OVCH1: variants seen among roughly 807,000 people sequenced by gnomAD.
OVCH1 encodes ovochymase 1.
A neutral mutation model predicts 138.4 loss-of-function variants in OVCH1; 139 were observed. The ratio of observed to expected loss-of-function variants is 1.00; its 90% CI spans 0.87 to 1.16. The LOEUF is 1.16. OVCH1 is among the 50% of genes most tolerant of loss of function. OVCH1 has a pLI of 0.00. For synonymous variants in OVCH1, 453 were observed against 467.8 expected, an observed-to-expected ratio of 0.97 and a Z score of 0.41; for missense variants, 1,367 against 1,357.9, an observed-to-expected ratio of 1.01 and a Z score of -0.11.
At chr12:29,491,721 A>G (rs1323494626) in intron 4 of OVCH1, among the ~76,000 whole-genome samples, 1 of 152,224 alleles carries the variant, frequency 6.6e-6, no homozygotes, top group Non-Finnish European at 1.5e-5. Flanking sequence ...AGTAACTCCA[A>G]CTATGATGCA....
chr12:29,496,456 C>T, intron 2 of OVCH1, 100 bp downstream of exon 2: 1 of 1,207,820 alleles, frequency 8.3e-7, no homozygotes, highest in Non-Finnish European at 1.2e-6. Context: ...TAGAGGGGTT[C>T]AGGAGAAAAA....
chr12:29,494,792 G>A (rs550914517), intron 4 of OVCH1, among the ~76,000 whole-genome samples: 10 of 152,242 alleles, frequency 6.6e-5, no homozygotes, highest in African/African-American at 2.2e-4. Context: ...GGGTAAACCT[G>A]TGGCTATGAG....
intron 25 of OVCH1, among the ~76,000 whole-genome samples, chr12:29,442,079 C>G (rs1292692177): frequency 6.6e-6 from 1 of 150,852 alleles, no homozygotes; most frequent in Non-Finnish European, 1.5e-5. Flanking sequence ...CCTCAGGGAT[C>G]TAGAACTAGA....
intron 4 of OVCH1, among the ~76,000 whole-genome samples, chr12:29,494,503 G>A (rs903875727): frequency 6.6e-6 from 1 of 152,126 alleles, no homozygotes; most frequent in African/African-American, 2.4e-5. Flanking sequence ...ATATAGGTAG[G>A]TAGTTAGAAT....
rs117739340 is a variant in OVCH1, at chr12:29,497,076, T to G, written c.65-402A>C. ...ACTTGAACCCAGGAGGTCAGAACCA[T>G]GGGCAACATGACAAGACCCCATCTC... On this transcript the variant is annotated intron_variant, in intron 1 of 27. Coordinates refer to ENST00000318184, the Ensembl canonical transcript of OVCH1. Among the ~76,000 whole-genome samples the G allele has an allele frequency of 2.2e-4, 34 of 152,174 alleles. 1 individual carries two copies. The East Asian group carries it at 6.2e-3, about 28-fold the overall frequency.
rs376831565 is a variant in OVCH1 at position 29,465,930 on chromosome 12, A to C, written c.1857-711T>G. ...TACTACACAGCCATAAAAAAGGATG[A>C]GTTCATGTCCTTTGTAGGGACACGG... is the stretch of plus-strand genomic sequence containing the variant. On this transcript the variant is annotated intron_variant, in intron 16 of 27. Coordinates refer to ENST00000318184, the Ensembl canonical transcript of OVCH1. Among the ~76,000 whole-genome samples, 23 of 152,226 alleles carry C rather than the reference A, an allele frequency of 1.5e-4. No homozygotes were observed. In the South Asian group the frequency reaches 4.8e-3, roughly 32 times the overall value.
chr12:29,443,399 C>A (rs370805015), exon 25 of OVCH1: 1 of 1,611,556 alleles, frequency 6.2e-7, no homozygotes, highest in African/African-American at 1.3e-5. Flanking sequence ...TTCGTAAACA[C>A]GCAGATGACC....
At chr12:29,462,705 G>A (rs1942180698) in intron 18 of OVCH1, among the ~76,000 whole-genome samples, 1 of 152,066 alleles carries the variant, frequency 6.6e-6, no homozygotes, top group Non-Finnish European at 1.5e-5. Flanking sequence ...TTTGTAAAGA[G>A]TTTTATTCCA....
chr12:29,455,538 C>A, intron 19 of OVCH1, 133 bp from the exon 20 acceptor site: 4 of 1,067,798 alleles, frequency 3.7e-6, no homozygotes, highest in Non-Finnish European at 5.1e-6. Flanking sequence ...TTGTCAATTT[C>A]CATCTTTACA....
rs372705847 is a variant in OVCH1 at position 29,478,894 on chromosome 12, T to C, written c.1010A>G (p.Lys337Arg). 45 of 1,586,660 alleles carry C rather than the reference T, an allele frequency of 2.8e-5. No individual in the cohort carries two copies. The African/African-American group carries it at 5.2e-4, about 18-fold the overall frequency. ...ATAGTCATGATCACATCCAACTTGC[T>C]TTTCCATGTCTAAACTTGTAAATTT... The change falls in exon 9 of 28, where the codon AAG becomes AGG. Residue 337 changes from lysine to arginine, a missense_variant. Lys to Arg is a conservative substitution (Grantham distance 26). Transcript: ENST00000318184.
At chr12:29,423,350 A>G, downstream of OVCH1, 1 of 451,334 alleles carries the variant, frequency 2.2e-6, no homozygotes, top group South Asian at 1.6e-5. Context: ...GTGCAATGAC[A>G]TAACTGAAAG....
intron 26 of OVCH1, chr12:29,433,904 T>C: frequency 8.6e-7 from 1 of 1,168,390 alleles, no homozygotes; most frequent in South Asian, 1.8e-5. Context: ...AAAGGTAAAA[T>C]GGGCAGTAAA....
At chr12:29,456,739 T>TG (rs2135957183) in intron 19 of OVCH1, among the ~76,000 whole-genome samples, 1 of 152,348 alleles carries the variant, frequency 6.6e-6, no homozygotes, top group African/African-American at 2.4e-5. Context: ...GCACTGCATC[T>TG]GATTCAACTT....
the OVCH1 span, among the ~76,000 whole-genome samples, chr12:29,405,736 A>C: frequency 6.6e-6 from 1 of 152,258 alleles, no homozygotes; most frequent in South Asian, 2.1e-4. Flanking sequence ...AAAGTTTAGA[A>C]CCAAATCAGT....
At chr12:29,462,230 G>T (rs549668305) in intron 18 of OVCH1, among the ~76,000 whole-genome samples, 1 of 152,184 alleles carries the variant, frequency 6.6e-6, no homozygotes, top group South Asian at 2.1e-4. Context: ...ACTGGCAGGA[G>T]AATAAAACCA....
At chr12:29,467,496 T>C (rs1198184174) in intron 16 of OVCH1, among the ~76,000 whole-genome samples, 2 of 152,130 alleles carry the variant, frequency 1.3e-5, no homozygotes, top group African/African-American at 4.8e-5. Context: ...CCCTCTCCCA[T>C]ATAAAATTTC....
At chr12:29,429,691 TGTTGA>T (rs1381291056) in intron 27 of OVCH1, among the ~76,000 whole-genome samples, 5 of 152,218 alleles carry the variant, frequency 3.3e-5, no homozygotes, top group African/African-American at 1.2e-4. Flanking sequence ...TAATTCAGCA[TGTTGA>T]GTTAACTGTT....
At chr12:29,442,396 C>T (rs1206934694) in intron 25 of OVCH1, among the ~76,000 whole-genome samples, 1 of 133,584 alleles carries the variant, frequency 7.5e-6, no homozygotes, top group Non-Finnish European at 1.6e-5. Context: ...ACCGCATATT[C>T]TCACTCTTAG....
intron 22 of OVCH1, among the ~76,000 whole-genome samples, chr12:29,447,290 AAAAC>A (rs749209347): frequency 1.8e-4 from 27 of 152,048 alleles, no homozygotes; most frequent in Non-Finnish European, 2.2e-4. Flanking sequence ...ACACAGTCTT[AAAAC>A]AAACAAACAA....
Sources: gnomAD v4.1 joint callset for allele counts (sites outside exome capture counted in the v4.1 genomes callset) on GRCh38, gnomAD v4.1.1 for gene constraint, MANE v1.5 for transcripts, NCBI Gene and HGNC (gene_info 2026-07-23, HGNC 2026-07-21) for gene names.